GUCY1A1: variants seen among roughly 807,000 people sequenced by gnomAD.
The protein encoded by GUCY1A1 is guanylate cyclase 1 soluble subunit alpha 1.
A neutral mutation model predicts 64.5 loss-of-function variants in GUCY1A1; 48 were observed. That is an observed-to-expected ratio of 0.74 (90% confidence interval 0.59 to 0.95). GUCY1A1 has a LOEUF of 0.95. Ranked by LOEUF, GUCY1A1 falls within the 40% of genes least tolerant of loss-of-function variation. GUCY1A1 has a pLI of 0.00. For synonymous variants in GUCY1A1, 308 were observed against 303.4 expected (o/e 1.02, Z -0.16); for missense variants, 804 against 825.3 (o/e 0.97, Z 0.32).
rs148849275 is a variant in GUCY1A1, at chr4:155,713,316, C to T, written c.1305C>T (p.Thr435=). 1 of 1,614,122 alleles carries T rather than the reference C, an allele frequency of 6.2e-7. No individual in the cohort carries two copies. Among genetic ancestry groups the T allele is most frequent in the African/African-American group, 1.3e-5 (1 of 75,044 alleles). ...AGAGGCTGGGGAAGCTGAAGGCTAC[C>T]CTTGAGCAAGCCCACCAAGCCCTGG... ...LKKRLGKLKA[T]LEQAHQALEE... is the part of the protein sequence containing the mutation. Residue 435 remains threonine, a synonymous_variant, in exon 7 of 10, where the codon ACC becomes ACT. Coordinates refer to ENST00000506455, the MANE Select transcript of GUCY1A1 (RefSeq NM_001130682.3).
chr4:155,716,212 A>G (rs1312410030), intron 7 of GUCY1A1, among the ~76,000 whole-genome samples: 1 of 152,200 alleles, frequency 6.6e-6, no homozygotes. Context: ...ATCTGGAGCC[A>G]TAATAAGGGT....
chr4:155,697,838 G>A (rs1730611813), intron 3 of GUCY1A1, among the ~76,000 whole-genome samples: 1 of 152,184 alleles, frequency 6.6e-6, no homozygotes, highest in South Asian at 2.1e-4. Context: ...AAACTTCTGG[G>A]AAGAGGACAC....
rs10003392 is a variant in GUCY1A1, at chr4:155,733,774, A to C, written c.*3543A>C. 6.6e-6 allele frequency among the ~76,000 whole-genome samples: 1 copy of C among 151,460 alleles called. No individual in the cohort carries two copies. Among genetic ancestry groups the C allele is most frequent in the Non-Finnish European group, 1.5e-5 (1 of 67,812 alleles). ...TAAGAGAAGCATCAAGTCTTAAAGG[A>C]AGAGAATGGTATGATCAGATGTGTG... On this transcript the variant is annotated 3_prime_UTR_variant, in exon 10 of 10. Coordinates refer to ENST00000506455, the MANE Select transcript of GUCY1A1 (RefSeq NM_001130682.3).
chr4:155,693,625 T>C lies in GUCY1A1; in HGVS notation c.-112-3131T>C, dbSNP rs567781275. Among the ~76,000 whole-genome samples, 18 of 152,296 alleles carry C rather than the reference T, an allele frequency of 1.2e-4. No homozygotes were observed. In the South Asian group the frequency reaches 3.1e-3, roughly 26 times the overall value. On this transcript the variant is annotated intron_variant, in intron 2 of 9. Coordinates refer to ENST00000506455, the MANE Select transcript of GUCY1A1 (RefSeq NM_001130682.3). ...TTTCATCAGTTGAGCAGATGAAGAA[T>C]GCTAATTAGTTTGTTTATACATATG...
chr4:155,721,937 A>G, intron 8 of GUCY1A1, 101 bp from the exon 9 acceptor site: 3 of 832,574 alleles, frequency 3.6e-6, no homozygotes, highest in Non-Finnish European at 6.0e-6. Flanking sequence ...TGGTGTCCTG[A>G]GGGTGAATGG....
intron 3 of GUCY1A1, among the ~76,000 whole-genome samples, chr4:155,698,690 A>G (rs4691057): frequency 1.3e-5 from 2 of 152,050 alleles, no homozygotes; most frequent in African/African-American, 2.4e-5. Flanking sequence ...ACAACAACAA[A>G]AAAATTCTGG....
chr4:155,678,514 G>A (rs1735268828), intron 2 of GUCY1A1, among the ~76,000 whole-genome samples: 1 of 152,124 alleles, frequency 6.6e-6, no homozygotes, highest in South Asian at 2.1e-4. Flanking sequence ...ATCCCTTGAG[G>A]AATGTTCTAT....
At chr4:155,677,588 C>T (rs1056587606) in intron 2 of GUCY1A1, among the ~76,000 whole-genome samples, 8 of 152,172 alleles carry the variant, frequency 5.3e-5, no homozygotes, top group African/African-American at 1.9e-4. Flanking sequence ...CCGTGGCTCA[C>T]ACTTGTAATC....
chr4:155,711,275 T>G, intron 6 of GUCY1A1, 24 bp downstream of exon 6: 1 of 1,203,398 alleles, frequency 8.3e-7, no homozygotes, highest in South Asian at 1.3e-5. Context: ...AATACTATCT[T>G]GAATATGAAA....
intron 4 of GUCY1A1, among the ~76,000 whole-genome samples, chr4:155,706,211 T>C (rs1313851531): frequency 6.6e-6 from 1 of 152,234 alleles, no homozygotes; most frequent in Non-Finnish European, 1.5e-5. Flanking sequence ...CTGATTATAC[T>C]TTTAAATTTT....
intron 6 of GUCY1A1, among the ~76,000 whole-genome samples, chr4:155,712,386 TCTC>T (rs1460608176): frequency 4.0e-4 from 61 of 152,274 alleles, no homozygotes; most frequent in African/African-American, 1.4e-3. Context: ...TCCGCCTCGT[TCTC>T]CTAAGCTCTA....
intron 5 of GUCY1A1, among the ~76,000 whole-genome samples, chr4:155,708,695 G>GA (rs1322612555): frequency 2.0e-5 from 3 of 152,278 alleles, no homozygotes; most frequent in Non-Finnish European, 4.4e-5. Context: ...TAGTTTGAGA[G>GA]AAAAAATTGA....
chr4:155,667,690 C>T (rs1343535449), intron 2 of GUCY1A1: 1 of 151,550 alleles, frequency 6.6e-6, no homozygotes, highest in Non-Finnish European at 1.5e-5. Context: ...AGCAGCGCCG[C>T]GCCGGCTGCT....
chr4:155,717,336 A>G (rs373272259), intron 8 of GUCY1A1, 34 bp downstream of exon 8: 3 of 1,481,086 alleles, frequency 2.0e-6, no homozygotes, highest in South Asian at 2.8e-5. Context: ...AAAAGATGTC[A>G]CAAGAGCAAA....
At chr4:155,707,562 A>G (rs1168036685) in intron 4 of GUCY1A1, among the ~76,000 whole-genome samples, 1 of 152,020 alleles carries the variant, frequency 6.6e-6, no homozygotes, top group Non-Finnish European at 1.5e-5. Flanking sequence ...TTTGAAGTAC[A>G]GTTTCCACTG....
intron 2 of GUCY1A1, among the ~76,000 whole-genome samples, chr4:155,674,341 G>C (rs1734580680): frequency 8.7e-6 from 1 of 114,856 alleles, no homozygotes; most frequent in Non-Finnish European, 1.7e-5. Flanking sequence ...GCGACAGAGC[G>C]AGACTCCATC....
chr4:155,721,590 A>G (rs923019687), intron 8 of GUCY1A1, among the ~76,000 whole-genome samples: 3 of 152,114 alleles, frequency 2.0e-5, no homozygotes, highest in Non-Finnish European at 2.9e-5. Context: ...TCTAAAAGAT[A>G]TATTTAATAT....
chr4:155,669,447 C>A (rs1442514939), intron 2 of GUCY1A1, among the ~76,000 whole-genome samples: 1 of 151,766 alleles, frequency 6.6e-6, no homozygotes, highest in Non-Finnish European at 1.5e-5. Context: ...TGATTAAAAT[C>A]GTTTTCTGTC....
intron 2 of GUCY1A1, among the ~76,000 whole-genome samples, chr4:155,679,307 T>G (rs923025905): frequency 2.0e-5 from 3 of 152,194 alleles, no homozygotes; most frequent in Non-Finnish European, 4.4e-5. Flanking sequence ...TTTGTCGTAG[T>G]CTGTTTATTT....
Sources: allele counts gnomAD v4.1 joint callset (sites outside exome capture counted in the v4.1 genomes callset), GRCh38; gene constraint gnomAD v4.1.1; transcripts MANE v1.5; gene names NCBI Gene and HGNC (gene_info 2026-07-23, HGNC 2026-07-21).